Variants in TMC1 observed in about 807,000 individuals in gnomAD.
TMC1 encodes the protein transmembrane channel like 1, also known as transmembrane channel-like protein 1.
TMC1 carries 84 observed loss-of-function variants against 105.8 expected under a neutral mutation model. The observed-to-expected ratio is 0.79, with a 90% CI of 0.67 to 0.95. TMC1 has a LOEUF of 0.95. Ranked by LOEUF, TMC1 falls within the 40% of genes least tolerant of loss-of-function variation. The pLI is 0.00. For missense variants in TMC1, 817 were observed against 914.1 expected (o/e 0.89, Z 1.37); for synonymous variants, 315 against 311.5 (o/e 1.01, Z -0.12).
intron 20 of TMC1, among the ~76,000 whole-genome samples, chr9:72,821,828 C>CAG (rs572858766): frequency 2.4e-4 from 37 of 151,790 alleles, no homozygotes; most frequent in Non-Finnish European, 2.9e-4. Context: ...GAGAGACAGA[C>CAG]AGAGAGAGAG....
At chr9:72,621,302 G>A (rs1342275440) in intron 3 of TMC1, among the ~76,000 whole-genome samples, 2 of 152,070 alleles carry the variant, frequency 1.3e-5, no homozygotes, top group East Asian at 1.9e-4. Flanking sequence ...TGCTCTCAGG[G>A]GATCAAGCTA....
chr9:72,773,179 T>G (rs137958191), intron 13 of TMC1, among the ~76,000 whole-genome samples: 1 of 152,300 alleles, frequency 6.6e-6, no homozygotes, highest in Non-Finnish European at 1.5e-5. Context: ...AATACTCCAC[T>G]TAAAGACTGC....
intron 1 of TMC1, among the ~76,000 whole-genome samples, chr9:72,556,181 A>G (rs1264898552): frequency 6.7e-6 from 1 of 149,688 alleles, no homozygotes; most frequent in Non-Finnish European, 1.5e-5. Flanking sequence ...CAATGGTGCG[A>G]TCTCAGCTCA....
chr9:72,791,913 A>G lies in TMC1; in HGVS notation c.1252A>G (p.Met418Val), dbSNP rs775453038. ...GAACATGGTTATGTCCCTCCTAGGG[A>G]TGTTCTGTCCAACATTGTTTGACTT... Reference protein sequence around the residue: ...EMNMVMSLLGMFCPTLFDLFA... With the variant: ...EMNMVMSLLGVFCPTLFDLFA... Residue 418 changes from methionine (M) to valine (V), a missense_variant, in exon 16 of 24, where the codon ATG (methionine) becomes GTG (valine). Coordinates refer to ENST00000297784, the MANE Select transcript of TMC1 (RefSeq NM_138691.3). 51 of 1,613,022 alleles carry G rather than the reference A, an allele frequency of 3.2e-5. No individual in the cohort carries two copies. The highest frequency in any genetic ancestry group is 4.1e-5 in the Non-Finnish European group (48 of 1,179,898).
At chr9:72,627,483 C>T (rs530798654) in intron 3 of TMC1, among the ~76,000 whole-genome samples, 2 of 152,342 alleles carry the variant, frequency 1.3e-5, no homozygotes, top group African/African-American at 4.8e-5. Context: ...CTAATCCTCT[C>T]TTTCCCACCT....
At chr9:72,600,700 AAAAAAATTAAAAT>A (rs1486739223) in intron 2 of TMC1, among the ~76,000 whole-genome samples, 1 of 150,984 alleles carries the variant, frequency 6.6e-6, no homozygotes, top group Admixed American at 6.6e-5. Context: ...TTAAAAAAAG[AAAAAAATTAAAAT>A]AAAAAATTAA....
At chr9:72,656,077 A>G in intron 5 of TMC1, 3 of 700,616 alleles carry the variant, frequency 4.3e-6, no homozygotes, top group Non-Finnish European at 7.9e-6. Context: ...TCCTCTGATC[A>G]AGTCAGCACA....
chr9:72,537,941 G>A (rs922327112), intron 1 of TMC1, among the ~76,000 whole-genome samples: 3 of 152,010 alleles, frequency 2.0e-5, no homozygotes, highest in Non-Finnish European at 4.4e-5. Context: ...ATTGCCACCT[G>A]GGCAATCTGT....
At chr9:72,782,520 A>C (rs182123101) in intron 13 of TMC1, among the ~76,000 whole-genome samples, 1 of 152,182 alleles carries the variant, frequency 6.6e-6, no homozygotes, top group Admixed American at 6.5e-5. Flanking sequence ...AAGTCAAACT[A>C]TCTCTCTTTG....
At chr9:72,824,828 C>T (rs1221951608) in intron 20 of TMC1, among the ~76,000 whole-genome samples, 1 of 152,208 alleles carries the variant, frequency 6.6e-6, no homozygotes, top group Non-Finnish European at 1.5e-5. Flanking sequence ...GTTCTCAATC[C>T]GGTCTGAGGA....
intron 2 of TMC1, among the ~76,000 whole-genome samples, chr9:72,591,310 A>C (rs1824636277): frequency 6.6e-6 from 1 of 152,228 alleles, no homozygotes; most frequent in Non-Finnish European, 1.5e-5. Context: ...GGCTTTCCAG[A>C]GGAAACTTCT....
At chr9:72,794,679 G>A (rs1314452879) in intron 17 of TMC1, among the ~76,000 whole-genome samples, 1 of 152,166 alleles carries the variant, frequency 6.6e-6, no homozygotes, top group Non-Finnish European at 1.5e-5. Context: ...AGATGAGAAA[G>A]AACCAATGCA....
chr9:72,571,832 G>A (rs1179818422), intron 1 of TMC1, among the ~76,000 whole-genome samples: 1 of 151,392 alleles, frequency 6.6e-6, no homozygotes, highest in African/African-American at 2.4e-5. Context: ...GTTGCTTTGT[G>A]TAGATTGCTT....
At chr9:72,617,838 CTGT>C (rs1482948948) in intron 3 of TMC1, among the ~76,000 whole-genome samples, 1 of 151,670 alleles carries the variant, frequency 6.6e-6, no homozygotes, top group Non-Finnish European at 1.5e-5. Flanking sequence ...CCAGGAAGCG[CTGT>C]TAAGTGAAAG....
At chr9:72,605,010 A>G (rs1476980959) in intron 2 of TMC1, among the ~76,000 whole-genome samples, 3 of 152,234 alleles carry the variant, frequency 2.0e-5, no homozygotes, top group Non-Finnish European at 2.9e-5. Context: ...GGTTTAATCA[A>G]TTGTTTATAT....
At position 72,578,035 on chromosome 9, in the gene TMC1, C is replaced by T. The variant is rs1358855568; in HGVS notation, c.-306+12C>T. 6.6e-6 allele frequency: 1 copy of T among 152,096 alleles called. No individual in the cohort carries two copies. The highest frequency in any genetic ancestry group is 1.5e-5 in the Non-Finnish European group (1 of 68,084). 9.4% of individuals were successfully genotyped at this position (152,096 alleles called of 1,614,324 possible). A position where few individuals can be genotyped will look rare whatever the true frequency, so the allele number is the denominator to read the frequency against. ...AGCTGGGATTTCAGGTATGCCTCAC[C>T]ATGCCTGGCTGATTTTTGTATTTTT... On this transcript the variant is annotated intron_variant, in intron 2 of 23. Coordinates refer to ENST00000297784, the MANE Select transcript of TMC1 (RefSeq NM_138691.3).
At chr9:72,708,241 A>C (rs558978254) in intron 8 of TMC1, among the ~76,000 whole-genome samples, 6 of 152,116 alleles carry the variant, frequency 3.9e-5, no homozygotes, top group Non-Finnish European at 4.4e-5. Context: ...TGATTTGGCT[A>C]TGTGGCCTCT....
intron 4 of TMC1, among the ~76,000 whole-genome samples, chr9:72,629,233 G>A (rs568735033): frequency 6.6e-6 from 1 of 152,248 alleles, no homozygotes; most frequent in Non-Finnish European, 1.5e-5. Context: ...TGACTCTGAA[G>A]CTTATAGTCT....
chr9:72,634,824 A>C (rs997819822), intron 4 of TMC1, among the ~76,000 whole-genome samples: 2 of 152,354 alleles, frequency 1.3e-5, no homozygotes, highest in East Asian at 1.9e-4. Flanking sequence ...CTTTAAAAGG[A>C]AATTACAACT....
Sources: gnomAD v4.1 joint callset for allele counts (sites outside exome capture counted in the v4.1 genomes callset) on GRCh38, gnomAD v4.1.1 for gene constraint, MANE v1.5 for transcripts, NCBI Gene and HGNC (gene_info 2026-07-23, HGNC 2026-07-21) for gene names.